Variants in FAM78B observed in about 807,000 individuals in gnomAD.
FAM78B encodes the protein protein FAM78B.
Under a neutral mutation model 20.0 loss-of-function variants are expected in FAM78B, and 10 were observed. The ratio of observed to expected loss-of-function variants is 0.50; its 90% CI spans 0.31 to 0.85. FAM78B has a LOEUF of 0.85. Among genes scored for constraint, FAM78B ranks in the 40% least tolerant of loss-of-function variants. FAM78B has a pLI of 0.05. For missense variants in FAM78B, 283 were observed against 345.0 expected (o/e 0.82, Z 1.42); for synonymous variants, 135 against 132.8 (o/e 1.02, Z -0.12).
chr1:166,126,849 A>G (rs548789103), intron 1 of FAM78B, among the ~76,000 whole-genome samples: 1 of 152,324 alleles, frequency 6.6e-6, no homozygotes, highest in East Asian at 1.9e-4. Flanking sequence ...GGAGCTGGGA[A>G]TGCACCCAGG....
At chr1:166,088,480 T>G (rs1194048274) in intron 1 of FAM78B, among the ~76,000 whole-genome samples, 3 of 152,188 alleles carry the variant, frequency 2.0e-5, no homozygotes, top group Non-Finnish European at 2.9e-5. Context: ...GGTCTGTCAC[T>G]CAGCAGCATG....
exon 3 of FAM78B, chr1:166,060,582 C>T (rs908890499): frequency 1.7e-5 from 22 of 1,287,768 alleles, no homozygotes; most frequent in African/African-American, 1.4e-4. Context: ...CTTCTGGAGC[C>T]GCCAGCCATT....
At chr1:166,107,688 A>T (rs1653841792) in intron 1 of FAM78B, among the ~76,000 whole-genome samples, 1 of 152,198 alleles carries the variant, frequency 6.6e-6, no homozygotes, top group Non-Finnish European at 1.5e-5. Context: ...GGATATAACC[A>T]AAAAAGAAAA....
chr1:166,165,628 C>T (rs982090246), intron 1 of FAM78B, among the ~76,000 whole-genome samples: 2 of 152,124 alleles, frequency 1.3e-5, no homozygotes, highest in African/African-American at 4.8e-5. Flanking sequence ...CAAACTCTTC[C>T]CGGGGAGCCC....
chr1:166,068,592 C>G (rs1026465807), downstream of FAM78B, among the ~76,000 whole-genome samples: 4 of 151,972 alleles, frequency 2.6e-5, no homozygotes, highest in African/African-American at 9.7e-5. Context: ...AGTAATAAAC[C>G]CTGCTGCTTT....
intron 1 of FAM78B, among the ~76,000 whole-genome samples, chr1:166,105,745 T>G (rs1198783217): frequency 1.8e-4 from 27 of 152,028 alleles, no homozygotes; most frequent in Middle Eastern, 3.4e-3. Flanking sequence ...GGAACACTTT[T>G]ACACTGTTGG....
At chr1:166,097,061 C>G (rs1159765195) in intron 1 of FAM78B, among the ~76,000 whole-genome samples, 1 of 152,198 alleles carries the variant, frequency 6.6e-6, no homozygotes. Flanking sequence ...ACTGCAGAAG[C>G]AGGAAAGGGA....
chr1:166,120,884 AG>A (rs1654442502), intron 1 of FAM78B, among the ~76,000 whole-genome samples: 1 of 152,220 alleles, frequency 6.6e-6, no homozygotes, highest in Non-Finnish European at 1.5e-5. Flanking sequence ...TGTTCTTTAC[AG>A]CTAAGTTTCC....
chr1:166,101,000 G>C (rs1653491119), intron 1 of FAM78B, among the ~76,000 whole-genome samples: 1 of 152,078 alleles, frequency 6.6e-6, no homozygotes, highest in Non-Finnish European at 1.5e-5. Context: ...AAAACTTCCA[G>C]AGGAATGATC....
downstream of FAM78B, among the ~76,000 whole-genome samples, chr1:166,065,288 A>ACCTT (rs1651756678): frequency 6.6e-6 from 1 of 152,182 alleles, no homozygotes; most frequent in African/African-American, 2.4e-5. Context: ...ATTTAGTGTG[A>ACCTT]CCTTGGACAA....
chr1:166,093,310 T>C (rs551305704), intron 1 of FAM78B, among the ~76,000 whole-genome samples: 1 of 152,154 alleles, frequency 6.6e-6, no homozygotes, highest in Non-Finnish European at 1.5e-5. Flanking sequence ...GTGTGAACAA[T>C]GGTTGTAATC....
intron 1 of FAM78B, 92 bp from the exon 2 acceptor site, chr1:166,070,855 A>G: frequency 7.2e-7 from 1 of 1,383,802 alleles, no homozygotes; most frequent in Non-Finnish European, 9.6e-7. Context: ...AACATAGTCA[A>G]CTTGGGCAAA....
intron 1 of FAM78B, among the ~76,000 whole-genome samples, chr1:166,092,347 C>T (rs1653109667): frequency 6.6e-6 from 1 of 152,218 alleles, no homozygotes; most frequent in Non-Finnish European, 1.5e-5. Context: ...GTGCAGCCTG[C>T]ACCCCCAACC....
In FAM78B at chr1:166,063,092, T is replaced by G. The variant is rs1293296113; in HGVS notation, c.*410-2429A>C. ...ATCTCCTTACAGGCACACTGGCTGA[T>G]GCACTGGATAGAGAGAACTAAGCAG... On this transcript the variant is annotated intron_variant and NMD_transcript_variant, in intron 2 of 2. Transcript: ENST00000435676. Among the ~76,000 whole-genome samples, 6 of 152,366 alleles carry G rather than the reference T, an allele frequency of 3.9e-5. No individual in the cohort carries two copies. In the East Asian group the frequency reaches 1.2e-3, roughly 29 times the overall value.
At chr1:166,059,155 C>T (rs1255058891) in exon 3 of FAM78B, 1 of 152,642 alleles carries the variant, frequency 6.6e-6, no homozygotes. Flanking sequence ...TAGGTTTCTG[C>T]TCCTAGAAAA....
downstream of FAM78B, among the ~76,000 whole-genome samples, chr1:166,069,119 T>C (rs1157705491): frequency 1.3e-5 from 2 of 152,182 alleles, no homozygotes; most frequent in Non-Finnish European, 2.9e-5. Context: ...AATAAATATA[T>C]ATAAAAATAT....
intron 1 of FAM78B, among the ~76,000 whole-genome samples, chr1:166,103,729 A>G (rs933748558): frequency 1.4e-4 from 22 of 152,322 alleles, no homozygotes; most frequent in African/African-American, 4.8e-4. Flanking sequence ...CAAACCAAAA[A>G]AAGTCCAGGT....
At chr1:166,127,865 C>T (rs1193290821) in intron 1 of FAM78B, among the ~76,000 whole-genome samples, 1 of 152,298 alleles carries the variant, frequency 6.6e-6, no homozygotes, top group East Asian at 1.9e-4. Context: ...ACCTCACCTG[C>T]AATAGCCCTG....
chr1:166,136,331 C>G (rs190124442), intron 1 of FAM78B, among the ~76,000 whole-genome samples: 1 of 152,286 alleles, frequency 6.6e-6, no homozygotes, highest in Admixed American at 6.5e-5. Context: ...CACTAATCTT[C>G]ACAGAGCCTG....
Sources: allele counts gnomAD v4.1 joint callset (sites outside exome capture counted in the v4.1 genomes callset), GRCh38; gene constraint gnomAD v4.1.1; transcripts MANE v1.5; gene names NCBI Gene and HGNC (gene_info 2026-07-23, HGNC 2026-07-21).